The following DRICH1 variants were observed in gnomAD, a reference collection of about 807,000 sequenced individuals.
DRICH1 encodes the protein aspartate-rich protein 1.
DRICH1 carries 38 observed loss-of-function variants against 39.5 expected under a neutral mutation model. The observed-to-expected ratio is 0.96, with a 90% CI of 0.74 to 1.26. DRICH1 has a LOEUF of 1.26. DRICH1 is among the 50% of genes most tolerant of loss of function. DRICH1 has a pLI of 0.00. For missense variants in DRICH1, 279 were observed against 270.4 expected (o/e 1.03, Z -0.22); for synonymous variants, 84 against 99.5 (o/e 0.84, Z 0.93).
downstream of DRICH1, among the ~76,000 whole-genome samples, chr22:23,607,571 GTTT>G (rs1468643521): frequency 3.3e-5 from 5 of 152,110 alleles, no homozygotes; most frequent in African/African-American, 7.2e-5. Context: ...CTAAGTCCAG[GTTT>G]CTCTTTCTTC....
chr22:23,594,828 G>A, the DRICH1 span, among the ~76,000 whole-genome samples: 3 of 151,698 alleles, frequency 2.0e-5, no homozygotes, highest in Non-Finnish European at 4.4e-5. Flanking sequence ...TCCTCAGAGG[G>A]CTGTGGTTTC....
At chr22:23,590,062 C>T in the DRICH1 span, among the ~76,000 whole-genome samples, 6 of 152,006 alleles carry the variant, frequency 3.9e-5, no homozygotes, top group Non-Finnish European at 8.8e-5. Context: ...TGGAATTGGT[C>T]GAAGGTTTCC....
chr22:23,595,313 T>TA, the DRICH1 span, among the ~76,000 whole-genome samples: 1 of 149,428 alleles, frequency 6.7e-6, no homozygotes, highest in Non-Finnish European at 1.5e-5. Context: ...CCCTAACCCT[T>TA]ACTGTGTCTT....
the DRICH1 span, among the ~76,000 whole-genome samples, chr22:23,594,580 CATT>C: frequency 8.6e-5 from 13 of 152,046 alleles, no homozygotes; most frequent in African/African-American, 3.1e-4. Flanking sequence ...TATTTTTAGT[CATT>C]GTTGAAGTTC....
rs185150904 is a variant in DRICH1, at chr22:23,620,622, C to T, written c.385-7G>A. The T allele has an allele frequency of 5.0e-5, 81 of 1,613,770 alleles. No homozygotes were observed. In the Admixed American group the frequency reaches 6.2e-4, roughly 12 times the overall value. The stretch of plus-strand genomic sequence containing the variant: ...GGACACGTGACGGTAAAATCTGCAA[C>T]GAGACAAAAGAAGATGCTATGAGGA... On this transcript the variant is annotated splice_polypyrimidine_tract_variant and splice_region_variant and intron_variant, in intron 4 of 11. Transcript: ENST00000317749.
At chr22:23,622,256 G>A (rs1165227559) in intron 3 of DRICH1, 80 bp from the exon 4 acceptor site, 29 of 1,254,602 alleles carry the variant, frequency 2.3e-5, no homozygotes, top group Non-Finnish European at 2.9e-5. Flanking sequence ...TGGATGTGGT[G>A]TATGGAGGTG....
chr22:23,591,261 C>G, the DRICH1 span, among the ~76,000 whole-genome samples: 1 of 152,166 alleles, frequency 6.6e-6, no homozygotes, highest in Non-Finnish European at 1.5e-5. Flanking sequence ...TCCTCCTCCC[C>G]CAGTTCAGCT....
the DRICH1 span, among the ~76,000 whole-genome samples, chr22:23,602,777 T>C: frequency 6.6e-6 from 1 of 152,174 alleles, no homozygotes; most frequent in African/African-American, 2.4e-5. Context: ...TTTTAAAAAT[T>C]ATACTAGGTT....
At chr22:23,607,288 A>G, downstream of DRICH1, 1 of 152,438 alleles carries the variant, frequency 6.6e-6, no homozygotes, top group Non-Finnish European at 1.5e-5. Context: ...TCACATTTAG[A>G]CAACCCTCCA....
rs188508204 is a variant in DRICH1 at position 23,619,287 on chromosome 22, A to T, written c.436+77T>A. On this transcript the variant is annotated intron_variant, in intron 6 of 11. Transcript: ENST00000317749. The stretch of plus-strand genomic sequence containing the variant: ...AGTAAAAAACATACAAATAAGTTGA[A>T]AGGCTTCCCATATTCATGGATAGGA... The T allele has an allele frequency of 4.5e-4, 345 of 763,456 alleles. 2 individuals are homozygous for T. Among genetic ancestry groups the T allele is most frequent in the Non-Finnish European group, 2.9e-5 (12 of 407,678 alleles). 47.3% of individuals were successfully genotyped at this position (763,456 alleles called of 1,614,324 possible).
chr22:23,587,468 C>T, the DRICH1 span, among the ~76,000 whole-genome samples: 1 of 152,194 alleles, frequency 6.6e-6, no homozygotes, highest in African/African-American at 2.4e-5. Flanking sequence ...GAAGCCTTCT[C>T]CATCATCCAG....
Position 23,628,642 on chromosome 22 carries a change from C to T in DRICH1, c.209-2594G>A, listed in dbSNP as rs570004077. 3.3e-5 allele frequency among the ~76,000 whole-genome samples: 5 copies of T among 152,296 alleles called. No homozygotes were observed. In the South Asian group the frequency reaches 1.0e-3, roughly 32 times the overall value. ...CAAATAGTGTCTCCTCAAGGCCATTCCTCAAGTGACTTCCATAAGAGGTGA... is the reference window on the plus strand; with the variant it reads ...CAAATAGTGTCTCCTCAAGGCCATTTCTCAAGTGACTTCCATAAGAGGTGA... On this transcript the variant is annotated intron_variant, in intron 1 of 11. Coordinates refer to ENST00000317749, the MANE Select transcript of DRICH1 (RefSeq NM_016449.4).
downstream of DRICH1, among the ~76,000 whole-genome samples, chr22:23,604,512 C>T (rs538464027): frequency 5.3e-5 from 8 of 152,298 alleles, no homozygotes; most frequent in East Asian, 3.9e-4. Flanking sequence ...CAAAGCCTGA[C>T]GCTGATGGGG....
At chr22:23,606,675 T>A (rs2123752249), downstream of DRICH1, among the ~76,000 whole-genome samples, 1 of 152,120 alleles carries the variant, frequency 6.6e-6, no homozygotes, top group South Asian at 2.1e-4. Flanking sequence ...GCGGAGGGTC[T>A]CCTGGTGTGC....
At chr22:23,582,577 T>TTA in the DRICH1 span, among the ~76,000 whole-genome samples, 1 of 150,544 alleles carries the variant, frequency 6.6e-6, no homozygotes, top group African/African-American at 2.4e-5. Flanking sequence ...ATTATTATTA[T>TTA]TATTTTGAGA....
chr22:23,590,278 A>ATTTTTTTT, the DRICH1 span, among the ~76,000 whole-genome samples: 3,757 of 137,110 alleles, frequency 0.027, 75 homozygotes, highest in African/African-American at 0.053. Flanking sequence ...CAGCCCTTTG[A>ATTTTTTTT]TTTTTTTTTT....
At chr22:23,588,836 G>C in the DRICH1 span, among the ~76,000 whole-genome samples, 1 of 152,132 alleles carries the variant, frequency 6.6e-6, no homozygotes. Context: ...GGGGACTGTA[G>C]GAAACTTAGT....
At chr22:23,584,906 T>A in the DRICH1 span, among the ~76,000 whole-genome samples, 1 of 152,046 alleles carries the variant, frequency 6.6e-6, no homozygotes, top group Non-Finnish European at 1.5e-5. Flanking sequence ...AAGGAATCCC[T>A]CCCACCTCAG....
chr22:23,597,654 G>A, the DRICH1 span, among the ~76,000 whole-genome samples: 2 of 151,732 alleles, frequency 1.3e-5, no homozygotes, highest in Admixed American at 1.3e-4. Context: ...TCTCTGGGAG[G>A]CCACAGCTTT....
Sources: gnomAD v4.1 joint callset for allele counts (sites outside exome capture counted in the v4.1 genomes callset) on GRCh38, gnomAD v4.1.1 for gene constraint, MANE v1.5 for transcripts, NCBI Gene and HGNC (gene_info 2026-07-23, HGNC 2026-07-21) for gene names.